Variants in RARB observed in about 807,000 individuals in gnomAD.
RARB encodes the protein retinoic acid receptor beta, also known as HBV-activated protein.
A neutral mutation model predicts 51.9 loss-of-function variants in RARB; 17 were observed. That is an observed-to-expected ratio of 0.33 (90% CI 0.22 to 0.49). The LOEUF is 0.49. RARB is among the 20% of genes least tolerant of loss of function. The probability of loss-of-function intolerance (pLI) is 0.99; values close to 1 mark genes in which losing one functional copy is unlikely to be tolerated. For synonymous variants in RARB, 215 were observed against 195.4 expected (o/e 1.10, Z -0.84); for missense variants, 369 against 550.8 (o/e 0.67, Z 3.30).
At chr3:25,565,978 G>A (rs924446264) in intron 3 of RARB, among the ~76,000 whole-genome samples, 3 of 152,082 alleles carry the variant, frequency 2.0e-5, no homozygotes, top group Non-Finnish European at 4.4e-5. Context: ...TACTTGTATC[G>A]CCCTTGCCTC....
At chr3:24,901,380 A>T (rs1463211227) in intron 2 of RARB, among the ~76,000 whole-genome samples, 1 of 152,026 alleles carries the variant, frequency 6.6e-6, no homozygotes, top group South Asian at 2.1e-4. Flanking sequence ...ACAAACCCCA[A>T]ACCTATATGG....
chr3:25,163,686 C>T (rs915325533), intron 4 of RARB, among the ~76,000 whole-genome samples: 1 of 151,862 alleles, frequency 6.6e-6, no homozygotes, highest in East Asian at 1.9e-4. Flanking sequence ...GGGATGGACT[C>T]ATTGAGTCAA....
At chr3:25,340,356 G>A (rs1705192570) in intron 5 of RARB, among the ~76,000 whole-genome samples, 2 of 152,136 alleles carry the variant, frequency 1.3e-5, no homozygotes, top group South Asian at 4.1e-4. Flanking sequence ...TCCCATTTAT[G>A]TGAGGACTAG....
At chr3:25,350,548 G>A (rs1201501301) in intron 5 of RARB, among the ~76,000 whole-genome samples, 2 of 151,948 alleles carry the variant, frequency 1.3e-5, no homozygotes, top group Admixed American at 6.6e-5. Flanking sequence ...TTTCTTCATA[G>A]CACTCACCAC....
At chr3:25,317,037 A>T (rs1396347093) in intron 5 of RARB, among the ~76,000 whole-genome samples, 1 of 88,364 alleles carries the variant, frequency 1.1e-5, no homozygotes, top group Non-Finnish European at 2.6e-5. Flanking sequence ...ATGTTGACTG[A>T]GGGAAATCTT....
chr3:25,419,966 A>T (rs372836241), intron 5 of RARB, among the ~76,000 whole-genome samples: 23 of 152,212 alleles, frequency 1.5e-4, no homozygotes, highest in Middle Eastern at 6.8e-3. Context: ...CTTCTCTAAG[A>T]GAAGCTTTCG....
At chr3:24,891,470 C>G (rs1703376744) in intron 2 of RARB, among the ~76,000 whole-genome samples, 1 of 152,186 alleles carries the variant, frequency 6.6e-6, no homozygotes, top group South Asian at 2.1e-4. Flanking sequence ...ATGAGAAACT[C>G]ACATCTGAAG....
chr3:25,431,943 C>G (rs1708226141), intron 1 of RARB, among the ~76,000 whole-genome samples: 1 of 151,920 alleles, frequency 6.6e-6, no homozygotes, highest in African/African-American at 2.4e-5. Context: ...TCAAAGATAC[C>G]CTCTGAAAGA....
intron 5 of RARB, among the ~76,000 whole-genome samples, chr3:25,291,169 T>C (rs188690521): frequency 3.3e-5 from 5 of 152,358 alleles, no homozygotes; most frequent in African/African-American, 1.2e-4. Context: ...ATAATCCATC[T>C]GCTTCACAAA....
chr3:25,460,428 TTTTATTTATTTA>T (rs58159674), intron 1 of RARB, among the ~76,000 whole-genome samples: 6 of 145,672 alleles, frequency 4.1e-5, no homozygotes, highest in Non-Finnish European at 7.5e-5. Context: ...ATTTTAAAAT[TTTTATTTATTTA>T]TTTATTTATT....
chr3:25,225,485 A>G (rs1290596734), intron 5 of RARB, among the ~76,000 whole-genome samples: 2 of 152,214 alleles, frequency 1.3e-5, no homozygotes, highest in Non-Finnish European at 2.9e-5. Context: ...CCATATTTCA[A>G]CACCAAATAA....
chr3:25,159,781 A>C (rs937307679), intron 4 of RARB, among the ~76,000 whole-genome samples: 1 of 152,168 alleles, frequency 6.6e-6, no homozygotes, highest in African/African-American at 2.4e-5. Flanking sequence ...CATTGGGATA[A>C]CTTAAAATGT....
At chr3:25,403,592 C>G (rs1369021974) in intron 5 of RARB, among the ~76,000 whole-genome samples, 1 of 152,062 alleles carries the variant, frequency 6.6e-6, no homozygotes, top group Non-Finnish European at 1.5e-5. Flanking sequence ...TAAAATTACC[C>G]TGGCTTAACT....
upstream of RARB, chr3:25,428,234 A>G (rs1158433433): frequency 6.5e-6 from 8 of 1,231,418 alleles, no homozygotes; most frequent in Admixed American, 2.5e-4. Flanking sequence ...TCACTCGCAT[A>G]TATTAGGCAA....
At chr3:24,922,555 TCACA>T (rs1320450731) in intron 2 of RARB, among the ~76,000 whole-genome samples, 1 of 152,126 alleles carries the variant, frequency 6.6e-6, no homozygotes, top group African/African-American at 2.4e-5. Context: ...CTGTCAAAAG[TCACA>T]CACAGCCTGA....
chr3:24,938,988 T>TTGC (rs1371822413), intron 2 of RARB, among the ~76,000 whole-genome samples: 1 of 150,188 alleles, frequency 6.7e-6, no homozygotes, highest in Non-Finnish European at 1.5e-5. Context: ...TTTTTTGTTG[T>TTGC]TGTTTTTTTT....
At chr3:24,863,380 A>T (rs1267005634) in intron 2 of RARB, among the ~76,000 whole-genome samples, 1 of 152,206 alleles carries the variant, frequency 6.6e-6, no homozygotes, top group African/African-American at 2.4e-5. Flanking sequence ...TTAAACAGTG[A>T]TACTGTGTGA....
At chr3:25,265,212 C>G (rs1703095565) in intron 5 of RARB, among the ~76,000 whole-genome samples, 1 of 152,158 alleles carries the variant, frequency 6.6e-6, no homozygotes, top group African/African-American at 2.4e-5. Flanking sequence ...ATAGAGGCCA[C>G]TCAAGCTTAT....
chr3:24,880,421 A>C (rs765937410), intron 2 of RARB, among the ~76,000 whole-genome samples: 1 of 152,208 alleles, frequency 6.6e-6, no homozygotes, highest in Non-Finnish European at 1.5e-5. Context: ...CCTCCATAAA[A>C]TAATAAAGCT....
Sources: gnomAD v4.1 joint callset for allele counts (sites outside exome capture counted in the v4.1 genomes callset) on GRCh38, gnomAD v4.1.1 for gene constraint, MANE v1.5 for transcripts, NCBI Gene and HGNC (gene_info 2026-07-23, HGNC 2026-07-21) for gene names.